The following LUZP2 variants were observed in gnomAD, a reference collection of about 807,000 sequenced individuals.
LUZP2 encodes the protein leucine zipper protein 2.
Under a neutral mutation model 51.6 loss-of-function variants are expected in LUZP2, and 52 were observed. The ratio of observed to expected loss-of-function variants is 1.01; its 90% CI spans 0.81 to 1.27. LUZP2 has a LOEUF of 1.27. LUZP2 is among the 50% of genes most tolerant of loss of function. LUZP2 has a pLI of 0.00. For synonymous variants in LUZP2, 154 were observed against 137.3 expected, an observed-to-expected ratio of 1.12 and a Z score of -0.85; for missense variants, 436 against 395.4, an observed-to-expected ratio of 1.10 and a Z score of -0.87.
At chr11:24,714,873 GA>G (rs1857977679) in intron 1 of LUZP2, among the ~76,000 whole-genome samples, 2 of 152,150 alleles carry the variant, frequency 1.3e-5, no homozygotes, top group Non-Finnish European at 2.9e-5. Flanking sequence ...CAGAGAGACT[GA>G]CACAGAAAGC....
chr11:25,007,991 G>T (rs952547133), intron 9 of LUZP2, among the ~76,000 whole-genome samples: 1 of 152,150 alleles, frequency 6.6e-6, no homozygotes, highest in Non-Finnish European at 1.5e-5. Flanking sequence ...ATTAACAAAG[G>T]TCTTCAAATC....
At chr11:24,572,351 G>A (rs577529561) in intron 1 of LUZP2, among the ~76,000 whole-genome samples, 5 of 151,912 alleles carry the variant, frequency 3.3e-5, no homozygotes, top group Non-Finnish European at 5.9e-5. Flanking sequence ...TATATAAGCC[G>A]TGATAGTAAT....
intron 1 of LUZP2, among the ~76,000 whole-genome samples, chr11:24,657,917 A>G (rs1418317786): frequency 1.3e-5 from 2 of 152,226 alleles, no homozygotes; most frequent in Admixed American, 6.5e-5. Flanking sequence ...GCTCAATGAA[A>G]TAAAAGAGGA....
At chr11:24,960,010 T>A (rs1855344335) in intron 7 of LUZP2, among the ~76,000 whole-genome samples, 2 of 152,340 alleles carry the variant, frequency 1.3e-5, no homozygotes, top group African/African-American at 4.8e-5. Flanking sequence ...GAGATAATCA[T>A]GTGGTTTTTG....
intron 5 of LUZP2, among the ~76,000 whole-genome samples, chr11:24,886,911 T>A (rs1304325190): frequency 6.6e-6 from 1 of 152,158 alleles, no homozygotes; most frequent in African/African-American, 2.4e-5. Flanking sequence ...GATGATTAGG[T>A]CACTAATGGA....
At chr11:24,996,879 T>A (rs527975492) in intron 9 of LUZP2, among the ~76,000 whole-genome samples, 41 of 152,102 alleles carry the variant, frequency 2.7e-4, no homozygotes, top group African/African-American at 9.2e-4. Context: ...TTTGGTTTTT[T>A]GTTCTTGCGA....
At chr11:25,029,124 G>A (rs757845942) in intron 9 of LUZP2, among the ~76,000 whole-genome samples, 1 of 152,008 alleles carries the variant, frequency 6.6e-6, no homozygotes, top group Admixed American at 6.6e-5. Context: ...GATGGTTAAT[G>A]GCTACAAAAA....
intron 5 of LUZP2, among the ~76,000 whole-genome samples, chr11:24,840,946 T>G (rs972116016): frequency 2.0e-5 from 3 of 152,028 alleles, no homozygotes; most frequent in African/African-American, 7.2e-5. Flanking sequence ...TGAATATGAT[T>G]GTTGAATTAA....
intron 1 of LUZP2, among the ~76,000 whole-genome samples, chr11:24,623,886 A>G (rs1213066965): frequency 6.6e-6 from 1 of 152,160 alleles, no homozygotes; most frequent in Admixed American, 6.5e-5. Flanking sequence ...TTAATGTTCA[A>G]TAACTACTTG....
intron 10 of LUZP2, among the ~76,000 whole-genome samples, chr11:25,053,179 A>T (rs889166292): frequency 6.6e-6 from 1 of 152,128 alleles, no homozygotes; most frequent in Non-Finnish European, 1.5e-5. Context: ...TCAAATGAAG[A>T]TGTAGGTATA....
intron 1 of LUZP2, among the ~76,000 whole-genome samples, chr11:24,674,102 T>C (rs892581944): frequency 6.6e-6 from 1 of 152,184 alleles, no homozygotes; most frequent in Non-Finnish European, 1.5e-5. Flanking sequence ...ACTTACTATG[T>C]ATTGGTTACT....
intron 1 of LUZP2, among the ~76,000 whole-genome samples, chr11:24,720,627 C>T (rs915963457): frequency 8.5e-5 from 13 of 152,174 alleles, no homozygotes; most frequent in African/African-American, 2.9e-4. Flanking sequence ...TTTTCAAGCT[C>T]ATGTTGGGAG....
intron 5 of LUZP2, among the ~76,000 whole-genome samples, chr11:24,765,195 G>A (rs1285301791): frequency 6.6e-6 from 1 of 152,114 alleles, no homozygotes; most frequent in Admixed American, 6.6e-5. Context: ...GATTAAGGCA[G>A]ATTTATTTAA....
intron 1 of LUZP2, among the ~76,000 whole-genome samples, chr11:24,704,560 A>G (rs1264492027): frequency 6.6e-6 from 1 of 151,832 alleles, no homozygotes; most frequent in African/African-American, 2.4e-5. Context: ...AGAATATGTC[A>G]GTGAGTGGAA....
intron 5 of LUZP2, among the ~76,000 whole-genome samples, chr11:24,820,644 T>G (rs1305989389): frequency 6.6e-6 from 1 of 152,102 alleles, no homozygotes. Context: ...GAAATTCATG[T>G]CCAAGATTAC....
At chr11:24,979,247 T>C (rs1855960021) in intron 8 of LUZP2, among the ~76,000 whole-genome samples, 1 of 151,774 alleles carries the variant, frequency 6.6e-6, no homozygotes, top group African/African-American at 2.4e-5. Flanking sequence ...TCTTTAACCT[T>C]CAGATCTTGT....
intron 5 of LUZP2, among the ~76,000 whole-genome samples, chr11:24,836,163 A>T (rs1033129482): frequency 6.6e-6 from 1 of 151,942 alleles, no homozygotes; most frequent in Admixed American, 6.6e-5. Context: ...CATGTACAGT[A>T]ATGATGGTGA....
intron 5 of LUZP2, among the ~76,000 whole-genome samples, chr11:24,768,666 C>T (rs1331535228): frequency 6.6e-6 from 1 of 152,150 alleles, no homozygotes; most frequent in Non-Finnish European, 1.5e-5. Flanking sequence ...CCCAACATCA[C>T]TAATCATCAC....
At chr11:24,802,633 C>T (rs193054791) in intron 5 of LUZP2, among the ~76,000 whole-genome samples, 1 of 151,866 alleles carries the variant, frequency 6.6e-6, no homozygotes, top group East Asian at 1.9e-4. Context: ...AACTCTGTGC[C>T]TATTGAACAG....
Sources: allele counts gnomAD v4.1 joint callset (sites outside exome capture counted in the v4.1 genomes callset), GRCh38; gene constraint gnomAD v4.1.1; transcripts MANE v1.5; gene names NCBI Gene and HGNC (gene_info 2026-07-23, HGNC 2026-07-21).